The following RAPGEF5 variants were observed in gnomAD, a reference collection of about 807,000 sequenced individuals.
The protein encoded by RAPGEF5 is M-Ras-regulated GEF.
In RAPGEF5, 65 loss-of-function variants were observed where a neutral mutation model predicts 125.2. The ratio of observed to expected loss-of-function variants is 0.52; its 90% CI spans 0.43 to 0.64. The LOEUF is 0.64. RAPGEF5 is among the 30% of genes least tolerant of loss of function. The pLI is 0.00. For synonymous variants in RAPGEF5, 391 were observed against 385.9 expected (o/e 1.01, Z -0.16); for missense variants, 958 against 1,048.1 (o/e 0.91, Z 1.19).
At position 22,157,860 on chromosome 7, in the gene RAPGEF5, T is replaced by A. The variant is rs1422044335; in HGVS notation, c.1552A>T (p.Lys518Ter). Reference sequence around the variant, plus strand: ...GTATAGAAGCATCTGCTTACCTTTTTTTGTGGTGAATATTCATCTACAGTG... The same window carrying A: ...GTATAGAAGCATCTGCTTACCTTTTATTGTGGTGAATATTCATCTACAGTG... ...RHTVDEYSPQKKNKALFHQFS... is the reference protein window; with the variant it reads ...RHTVDEYSPQ Residue 518 changes from lysine (K) to a stop codon, truncating the protein, a stop_gained, in exon 15 of 26, where the codon AAA becomes TAA. Coordinates refer to ENST00000665637, the MANE Select transcript of RAPGEF5 (RefSeq NM_012294.5). LOFTEE classifies it high-confidence loss of function. 1 of 1,612,382 alleles carries A rather than the reference T, an allele frequency of 6.2e-7. No individual in the cohort carries two copies. The highest frequency in any genetic ancestry group is 1.7e-5 in the Admixed American group (1 of 60,012).
intron 12 of RAPGEF5, chr7:22,162,836 C>A: frequency 4.1e-6 from 2 of 487,270 alleles, no homozygotes; most frequent in South Asian, 1.7e-5. Flanking sequence ...CAAGGAGATA[C>A]TAGGTGGTCC....
At chr7:22,243,651 A>C (rs1224269454) in intron 7 of RAPGEF5, among the ~76,000 whole-genome samples, 1 of 152,202 alleles carries the variant, frequency 6.6e-6, no homozygotes, top group African/African-American at 2.4e-5. Flanking sequence ...TATTTATGGG[A>C]TACAATAGGA....
intron 11 of RAPGEF5, chr7:22,192,519 G>A (rs1361674094): frequency 1.3e-5 from 2 of 152,194 alleles, no homozygotes; most frequent in Non-Finnish European, 2.9e-5. Context: ...GGTCTCACAG[G>A]TGCTATGGTA....
chr7:22,283,911 G>T (rs2528918), intron 6 of RAPGEF5, among the ~76,000 whole-genome samples: 1 of 151,890 alleles, frequency 6.6e-6, no homozygotes, highest in African/African-American at 2.4e-5. Context: ...GCCCTGCATT[G>T]CTTCATTTCA....
chr7:22,152,516 T>C (rs751862080), intron 17 of RAPGEF5, among the ~76,000 whole-genome samples: 10 of 152,226 alleles, frequency 6.6e-5, no homozygotes, highest in Non-Finnish European at 1.5e-4. Context: ...GATAGAATTT[T>C]AACTTCTGAA....
At chr7:22,220,847 C>G (rs930479593) in intron 8 of RAPGEF5, among the ~76,000 whole-genome samples, 1 of 152,104 alleles carries the variant, frequency 6.6e-6, no homozygotes, top group Non-Finnish European at 1.5e-5. Flanking sequence ...TTGGCAGGAG[C>G]AGTCAAAACT....
At chr7:22,134,042 C>A (rs761312184) in intron 23 of RAPGEF5, among the ~76,000 whole-genome samples, 3 of 151,970 alleles carry the variant, frequency 2.0e-5, no homozygotes, top group Admixed American at 6.6e-5. Context: ...GTGGGAGGCA[C>A]AAGAGAGGGG....
At chr7:22,166,093 A>C (rs1583436489) in intron 12 of RAPGEF5, among the ~76,000 whole-genome samples, 1 of 146,690 alleles carries the variant, frequency 6.8e-6, no homozygotes, top group African/African-American at 2.5e-5. Context: ...ATATATATAT[A>C]TATCATATAT....
At chr7:22,269,125 AGGAG>A (rs1342010574) in intron 6 of RAPGEF5, among the ~76,000 whole-genome samples, 1 of 149,746 alleles carries the variant, frequency 6.7e-6, no homozygotes. Flanking sequence ...TTTTATGCAA[AGGAG>A]GATGTACGAT....
intron 11 of RAPGEF5, among the ~76,000 whole-genome samples, chr7:22,171,648 G>A (rs767962865): frequency 1.2e-4 from 18 of 152,148 alleles, no homozygotes; most frequent in African/African-American, 1.7e-4. Flanking sequence ...ACAGGTGTGC[G>A]CTACCACGCC....
intron 1 of RAPGEF5, among the ~76,000 whole-genome samples, chr7:22,354,028 C>T (rs1784377793): frequency 6.6e-6 from 1 of 152,064 alleles, no homozygotes; most frequent in Non-Finnish European, 1.5e-5. Context: ...TATGATCACA[C>T]CACTGCACTC....
At chr7:22,143,973 T>C (rs1783347826) in intron 20 of RAPGEF5, among the ~76,000 whole-genome samples, 1 of 152,342 alleles carries the variant, frequency 6.6e-6, no homozygotes. Flanking sequence ...TGCACTGACA[T>C]GTACTTGAAA....
intron 7 of RAPGEF5, among the ~76,000 whole-genome samples, chr7:22,261,450 TA>T (rs1393868038): frequency 1.3e-5 from 2 of 151,348 alleles, no homozygotes; most frequent in Admixed American, 6.6e-5. Flanking sequence ...AATAAAAAAA[TA>T]AAAAAAATTA....
chr7:22,276,527 G>A (rs905166860), intron 6 of RAPGEF5, among the ~76,000 whole-genome samples: 17 of 152,178 alleles, frequency 1.1e-4, no homozygotes, highest in Non-Finnish European at 5.9e-5. Context: ...ACAGATTCCT[G>A]TAGAACCTTG....
At chr7:22,217,080 T>G (rs1481474704) in intron 9 of RAPGEF5, among the ~76,000 whole-genome samples, 1 of 152,238 alleles carries the variant, frequency 6.6e-6, no homozygotes, top group Non-Finnish European at 1.5e-5. Context: ...GTAATGAAGG[T>G]TAGTCAAAAG....
chr7:22,219,471 G>C (rs78327169), intron 9 of RAPGEF5, among the ~76,000 whole-genome samples: 3,581 of 149,490 alleles, frequency 0.024, 137 homozygotes, highest in African/African-American at 0.083. Context: ...TTGGCAACTA[G>C]ATCCACCTCT....
intron 21 of RAPGEF5, among the ~76,000 whole-genome samples, chr7:22,139,255 G>A (rs536128324): frequency 6.6e-6 from 1 of 152,112 alleles, no homozygotes; most frequent in African/African-American, 2.4e-5. Context: ...TGAGCCACAC[G>A]CAGGCTAGAG....
At chr7:22,148,788 C>T (rs1341478177) in intron 18 of RAPGEF5, among the ~76,000 whole-genome samples, 2 of 152,136 alleles carry the variant, frequency 1.3e-5, no homozygotes, top group East Asian at 3.8e-4. Context: ...GAGAAGGCCA[C>T]GTATGGGTGG....
intron 7 of RAPGEF5, among the ~76,000 whole-genome samples, chr7:22,247,546 G>A (rs1023082791): frequency 6.6e-6 from 1 of 152,152 alleles, no homozygotes; most frequent in African/African-American, 2.4e-5. Context: ...ACATGCATTT[G>A]CTTCTCCTTC....
Sources: allele counts gnomAD v4.1 joint callset (sites outside exome capture counted in the v4.1 genomes callset), GRCh38; gene constraint gnomAD v4.1.1; transcripts MANE v1.5; gene names NCBI Gene and HGNC (gene_info 2026-07-23, HGNC 2026-07-21).